The following DLGAP1 variants were observed in gnomAD, a reference collection of about 807,000 sequenced individuals.
DLGAP1 encodes DLG associated protein 1.
Under a neutral mutation model 90.8 loss-of-function variants are expected in DLGAP1, and 11 were observed. The observed-to-expected ratio is 0.12, with a 90% CI of 0.08 to 0.20. The LOEUF (loss-of-function observed/expected upper bound fraction) is 0.20. DLGAP1 is among the 10% of genes least tolerant of loss of function. The pLI, the probability that DLGAP1 is intolerant of heterozygous loss-of-function variation, is 1.00. For missense variants in DLGAP1, 1,050 were observed against 1,333.8 expected (o/e 0.79, Z 3.31); for synonymous variants, 558 against 540.7 (o/e 1.03, Z -0.44).
At chr18:3,530,770 CAG>C (rs2051939418) in intron 10 of DLGAP1, among the ~76,000 whole-genome samples, 2 of 152,186 alleles carry the variant, frequency 1.3e-5, no homozygotes, top group South Asian at 4.1e-4. Context: ...GTGGCACTAA[CAG>C]GGGCAAATGT....
intron 2 of DLGAP1, among the ~76,000 whole-genome samples, chr18:4,098,569 G>A (rs1384775750): frequency 6.6e-6 from 1 of 151,994 alleles, no homozygotes; most frequent in Non-Finnish European, 1.5e-5. Context: ...AATGGGAAAT[G>A]GAGATTAAAT....
intron 9 of DLGAP1, among the ~76,000 whole-genome samples, chr18:3,558,287 G>A (rs2053874793): frequency 6.6e-6 from 1 of 152,116 alleles, no homozygotes; most frequent in Non-Finnish European, 1.5e-5. Context: ...CTGTCACCCA[G>A]GCTGAAGCGC....
In DLGAP1 at chr18:3,879,230, G is replaced by A; in HGVS notation, c.839C>T (p.Ser280Phe). The change falls in exon 4 of 13, where the codon TCC (serine) becomes TTC (phenylalanine). Residue 280 changes from serine to phenylalanine, a missense_variant. Physicochemically the swap from Ser to Phe is radical, Grantham distance 155. Around this residue, in one of 2 missense-constraint regions of DLGAP1, gnomAD observed 485 missense variants for 454.1 expected, o/e 1.07. Coordinates refer to ENST00000315677, the MANE Select transcript of DLGAP1 (RefSeq NM_004746.4). This position sits in a 1 kb window ranked among gnomAD's most constrained non-coding sequence, Gnocchi z 6.6. ...DTPLLKKSAW[S>F]STLTVSRARE... ...GGCCCGGCTCACGGTGAGCGTGGAG[G>A]ACCAGGCGCTCTTCTTCAGCAGCGG... 1 of 1,592,278 alleles carries A rather than the reference G, an allele frequency of 6.3e-7. No individual in the cohort carries two copies. The highest frequency in any genetic ancestry group is 2.2e-5 in the East Asian group (1 of 44,604).
At chr18:3,968,329 G>A (rs1018661499) in intron 3 of DLGAP1, among the ~76,000 whole-genome samples, 10 of 152,006 alleles carry the variant, frequency 6.6e-5, no homozygotes, top group African/African-American at 2.4e-4. Context: ...CGCAGCTATT[G>A]ATCTCCACTT....
At chr18:3,926,283 A>G (rs2072380147) in intron 3 of DLGAP1, among the ~76,000 whole-genome samples, 1 of 152,150 alleles carries the variant, frequency 6.6e-6, no homozygotes, top group Non-Finnish European at 1.5e-5. Flanking sequence ...TTTTATGCAC[A>G]AGATGTGAGC....
intron 7 of DLGAP1, among the ~76,000 whole-genome samples, chr18:3,673,031 A>C (rs1219529217): frequency 6.6e-6 from 1 of 152,108 alleles, no homozygotes; most frequent in African/African-American, 2.4e-5. Context: ...GACACCGATT[A>C]CTTCCTACTG....
At chr18:4,265,781 C>G (rs553503493) in intron 1 of DLGAP1, among the ~76,000 whole-genome samples, 134 of 150,928 alleles carry the variant, frequency 8.9e-4, no homozygotes, top group African/African-American at 3.1e-3. Context: ...TTGACCTCCC[C>G]GGCTCAACTG....
At chr18:4,128,673 A>G (rs2076268273) in intron 2 of DLGAP1, among the ~76,000 whole-genome samples, 1 of 152,196 alleles carries the variant, frequency 6.6e-6, no homozygotes, top group Non-Finnish European at 1.5e-5. Context: ...GGCCTGAAGA[A>G]GCAGGACCAA....
In DLGAP1 at chr18:3,629,488, G is replaced by A. The variant is rs1240785948; in HGVS notation, c.1592-47240C>T. The stretch of plus-strand genomic sequence containing the variant: ...AGATCGAGACCATCCTGGCTAACAC[G>A]CTGAAACCCTGTCTCTACTAAAAAT... On this transcript the variant is annotated intron_variant, in intron 7 of 12. Coordinates refer to ENST00000315677, the MANE Select transcript of DLGAP1 (RefSeq NM_004746.4). 6.6e-5 allele frequency among the ~76,000 whole-genome samples: 10 copies of A among 151,938 alleles called. No individual in the cohort carries two copies. The East Asian group carries it at 1.2e-3, about 18-fold the overall frequency.
At chr18:4,242,554 C>T (rs1249019453) in intron 1 of DLGAP1, among the ~76,000 whole-genome samples, 2 of 152,156 alleles carry the variant, frequency 1.3e-5, no homozygotes, top group Non-Finnish European at 2.9e-5. Context: ...AGTGGCAGAA[C>T]AAAGGGACCT....
At chr18:4,379,142 A>T (rs1460985398) in intron 1 of DLGAP1, among the ~76,000 whole-genome samples, 1 of 152,190 alleles carries the variant, frequency 6.6e-6, no homozygotes, top group Non-Finnish European at 1.5e-5. Flanking sequence ...ATGGGAAACT[A>T]TGGAAGCCCC....
intron 1 of DLGAP1, among the ~76,000 whole-genome samples, chr18:4,274,190 A>G (rs770003259): frequency 4.0e-5 from 6 of 151,862 alleles, no homozygotes; most frequent in Non-Finnish European, 8.8e-5. Flanking sequence ...TCTGCATTCC[A>G]TAAGTCTTAC....
chr18:3,609,759 A>G (rs1418942491), intron 7 of DLGAP1, among the ~76,000 whole-genome samples: 1 of 151,874 alleles, frequency 6.6e-6, no homozygotes, highest in Non-Finnish European at 1.5e-5. Context: ...AAATTCAAAT[A>G]TGAAAACCAT....
At chr18:3,924,122 A>G (rs2072327837) in intron 3 of DLGAP1, among the ~76,000 whole-genome samples, 1 of 152,174 alleles carries the variant, frequency 6.6e-6, no homozygotes, top group Non-Finnish European at 1.5e-5. Context: ...GAGTGTCACT[A>G]TTACAGAAAT....
At position 3,834,230 on chromosome 18, in the gene DLGAP1, C is replaced by G. The variant is rs576804562; in HGVS notation, c.958-19957G>C. Reference sequence around the variant, plus strand: ...CTGAGGCAGGAGACTGGCGTGAACCCAGGAGGCGGAGCTTGCAGTGAGCCG... The same window carrying G: ...CTGAGGCAGGAGACTGGCGTGAACCGAGGAGGCGGAGCTTGCAGTGAGCCG... On this transcript the variant is annotated intron_variant, in intron 4 of 12. Coordinates refer to ENST00000315677, the MANE Select transcript of DLGAP1 (RefSeq NM_004746.4). Among the ~76,000 whole-genome samples, 6 of 142,256 alleles carry G rather than the reference C, an allele frequency of 4.2e-5. No individual in the cohort carries two copies. In the Admixed American group the frequency reaches 4.6e-4, roughly 11 times the overall value. The allele number at this position is 142,256 out of a possible 152,430, so 93.3% of individuals were successfully genotyped here.
At chr18:4,156,954 G>A (rs1484982024) in intron 1 of DLGAP1, among the ~76,000 whole-genome samples, 1 of 152,128 alleles carries the variant, frequency 6.6e-6, no homozygotes, top group Admixed American at 6.5e-5. Context: ...GAAGCTCTAG[G>A]GTGAAATCTT....
At chr18:3,991,895 G>A (rs763178409) in intron 3 of DLGAP1, among the ~76,000 whole-genome samples, 3 of 151,786 alleles carry the variant, frequency 2.0e-5, no homozygotes, top group African/African-American at 7.3e-5. Flanking sequence ...TTTCTTTATC[G>A]AAGACCACGG....
At chr18:4,069,256 G>A (rs1324731036) in intron 2 of DLGAP1, among the ~76,000 whole-genome samples, 1 of 152,152 alleles carries the variant, frequency 6.6e-6, no homozygotes, top group South Asian at 2.1e-4. Context: ...TACTTAATAA[G>A]TATTTCTTGA....
chr18:3,558,232 T>C (rs1439941872), intron 9 of DLGAP1, among the ~76,000 whole-genome samples: 1 of 152,070 alleles, frequency 6.6e-6, no homozygotes. Context: ...ATGTATTTTG[T>C]AGTTTTTGTT....
Sources: allele counts gnomAD v4.1 joint callset (sites outside exome capture counted in the v4.1 genomes callset), GRCh38; gene constraint gnomAD v4.1.1; regional missense constraint gnomAD v4.1.1; non-coding constraint Gnocchi (gnomAD v3.1); transcripts MANE v1.5; gene names NCBI Gene and HGNC (gene_info 2026-07-23, HGNC 2026-07-21).